ELAPOR2: variants seen among roughly 807,000 people sequenced by gnomAD.
ELAPOR2 encodes endosome/lysosome-associated apoptosis and autophagy regulator family member 2.
ELAPOR2 carries 89 observed loss-of-function variants against 120.7 expected under a neutral mutation model. The ratio of observed to expected loss-of-function variants is 0.74; its 90% confidence interval spans 0.62 to 0.88. The LOEUF is 0.88. Among genes scored for constraint, ELAPOR2 ranks in the 40% least tolerant of loss-of-function variants. ELAPOR2 has a pLI of 0.00. For synonymous variants in ELAPOR2, 444 were observed against 444.9 expected, an observed-to-expected ratio of 1.00 and a Z score of 0.03; for missense variants, 1,134 against 1,251.6, an observed-to-expected ratio of 0.91 and a Z score of 1.42.
At chr7:86,918,367 G>C (rs1789665554) in intron 12 of ELAPOR2, 75 bp downstream of exon 12, 3 of 555,894 alleles carry the variant, frequency 5.4e-6, no homozygotes, top group Admixed American at 3.1e-5. Context: ...ATCCCAACTT[G>C]CCACAAATAA....
intron 1 of ELAPOR2, 142 bp downstream of exon 1, chr7:87,059,183 C>G (rs745541037): frequency 6.0e-5 from 71 of 1,174,708 alleles, no homozygotes; most frequent in Non-Finnish European, 7.2e-5. Context: ...GGCAACTTCA[C>G]CCCTCGAAGC....
intron 1 of ELAPOR2, among the ~76,000 whole-genome samples, chr7:86,972,601 T>C (rs1792142296): frequency 6.6e-6 from 1 of 151,680 alleles, no homozygotes. Flanking sequence ...AAAAAGTTTT[T>C]TGTTTTTTTT....
intron 10 of ELAPOR2, 127 bp downstream of exon 10, chr7:86,925,401 G>T: frequency 1.1e-6 from 1 of 894,166 alleles, no homozygotes; most frequent in Non-Finnish European, 1.7e-6. Flanking sequence ...CAGAAGATGG[G>T]CAAGCAGCCA....
At chr7:86,899,670 T>C (rs1198849659) in intron 18 of ELAPOR2, among the ~76,000 whole-genome samples, 4 of 152,158 alleles carry the variant, frequency 2.6e-5, no homozygotes, top group Admixed American at 2.6e-4. Context: ...GACTGCATTT[T>C]TACATGCCTA....
chr7:86,998,975 G>T (rs896314697), intron 1 of ELAPOR2, among the ~76,000 whole-genome samples: 1 of 151,082 alleles, frequency 6.6e-6, no homozygotes, highest in African/African-American at 2.4e-5. Context: ...GAGCTTTCAA[G>T]GATTAAAACA....
chr7:86,927,793 C>A (rs1418838583), intron 8 of ELAPOR2, among the ~76,000 whole-genome samples: 2 of 151,932 alleles, frequency 1.3e-5, no homozygotes, highest in South Asian at 2.1e-4. Context: ...AAAAATAAAT[C>A]AACTATTTAA....
chr7:86,887,580 T>C (rs896438459), intron 21 of ELAPOR2, among the ~76,000 whole-genome samples: 11 of 152,108 alleles, frequency 7.2e-5, no homozygotes, highest in African/African-American at 2.7e-4. Flanking sequence ...TTAAAGACCA[T>C]TTGCTGTCTG....
At chr7:86,939,815 A>C (rs1466337735) in intron 6 of ELAPOR2, among the ~76,000 whole-genome samples, 195 bp downstream of exon 6, 1 of 152,070 alleles carries the variant, frequency 6.6e-6, no homozygotes, top group Non-Finnish European at 1.5e-5. Flanking sequence ...AATTTAGTTC[A>C]AGGGTACAAG....
chr7:86,980,452 C>A (rs1301835385), intron 1 of ELAPOR2, among the ~76,000 whole-genome samples: 1 of 152,234 alleles, frequency 6.6e-6, no homozygotes, highest in East Asian at 1.9e-4. Context: ...TCCCCACCCG[C>A]TTTCTGCAGT....
At chr7:87,053,962 A>G (rs1795189459) in intron 1 of ELAPOR2, among the ~76,000 whole-genome samples, 1 of 152,184 alleles carries the variant, frequency 6.6e-6, no homozygotes, top group Non-Finnish European at 1.5e-5. Flanking sequence ...ATGTAATTGC[A>G]TGATGTGTGG....
intron 1 of ELAPOR2, among the ~76,000 whole-genome samples, chr7:87,015,761 G>C (rs149098835): frequency 0.016 from 2,430 of 152,246 alleles, 75 homozygotes; most frequent in African/African-American, 0.056. Flanking sequence ...GGAGGCAGAG[G>C]TTGCAGTGAG....
At chr7:86,903,510 G>A (rs989437510) in intron 18 of ELAPOR2, among the ~76,000 whole-genome samples, 7 of 152,132 alleles carry the variant, frequency 4.6e-5, no homozygotes, top group African/African-American at 1.7e-4. Flanking sequence ...CTTAAGAACT[G>A]AAAATGGATA....
rs1226563568 is a variant in ELAPOR2 at position 86,893,101 on chromosome 7, CT to C, written c.2686-2del. On this transcript the variant is annotated splice_acceptor_variant, in intron 19 of 21. Transcript: ENST00000450689. LOFTEE classifies it high-confidence loss of function. ...GTTCATTCCACACATACAAGGTTTC[CT>C]TTAAAAAAAAAAACATAAAACCATA... is the stretch of plus-strand genomic sequence containing the variant. The C allele has an allele frequency of 5.3e-6, 8 of 1,521,172 alleles. No individual in the cohort carries two copies. Among genetic ancestry groups the C allele is most frequent in the African/African-American group, 2.9e-5 (2 of 68,186 alleles). 94.2% of individuals were successfully genotyped at this position (1,521,172 alleles called of 1,614,324 possible).
chr7:86,998,333 C>T (rs1472171175), intron 1 of ELAPOR2, among the ~76,000 whole-genome samples: 1 of 152,156 alleles, frequency 6.6e-6, no homozygotes, highest in Non-Finnish European at 1.5e-5. Context: ...CAGTGATCTC[C>T]ACTGCAAGTC....
chr7:86,899,426 G>A (rs1788612110), intron 18 of ELAPOR2, among the ~76,000 whole-genome samples: 1 of 152,100 alleles, frequency 6.6e-6, no homozygotes, highest in African/African-American at 2.4e-5. Flanking sequence ...TGGTCCTGAG[G>A]ACAGGTGTCC....
chr7:86,997,040 T>G (rs1211905159), intron 1 of ELAPOR2, among the ~76,000 whole-genome samples: 1 of 152,210 alleles, frequency 6.6e-6, no homozygotes, highest in Non-Finnish European at 1.5e-5. Flanking sequence ...ATCACTTATA[T>G]ACTTTACATG....
At chr7:86,885,945 C>T (rs1336560256) in intron 21 of ELAPOR2, among the ~76,000 whole-genome samples, 1 of 152,104 alleles carries the variant, frequency 6.6e-6, no homozygotes, top group East Asian at 1.9e-4. Flanking sequence ...CAGTAGGATA[C>T]CCCAGGAGTT....
At chr7:86,931,403 T>C (rs1263685479) in intron 8 of ELAPOR2, among the ~76,000 whole-genome samples, 1 of 151,902 alleles carries the variant, frequency 6.6e-6, no homozygotes, top group Non-Finnish European at 1.5e-5. Flanking sequence ...GTAAGACAAG[T>C]AGAAAACATC....
intron 1 of ELAPOR2, among the ~76,000 whole-genome samples, chr7:87,056,157 C>A (rs867105314): frequency 1.3e-5 from 2 of 152,182 alleles, no homozygotes; most frequent in African/African-American, 4.8e-5. Context: ...ATCCTAGGAA[C>A]CTCTGGAGTC....
Sources: allele counts gnomAD v4.1 joint callset (sites outside exome capture counted in the v4.1 genomes callset), GRCh38; gene constraint gnomAD v4.1.1; transcripts MANE v1.5; gene names NCBI Gene and HGNC (gene_info 2026-07-23, HGNC 2026-07-21).